BCAT1: variants seen among roughly 807,000 people sequenced by gnomAD.
BCAT1 encodes the protein branched chain amino acid transaminase 1, also known as branched-chain-amino-acid aminotransferase, cytosolic.
Under a neutral mutation model 52.4 loss-of-function variants are expected in BCAT1, and 48 were observed. That is an observed-to-expected ratio of 0.92 (90% CI 0.73 to 1.16). The LOEUF (loss-of-function observed/expected upper bound fraction) is 1.16, where lower values mean the gene tolerates loss of function less well. Among genes scored for constraint, BCAT1 ranks in the 50% most tolerant of loss-of-function variants. The pLI, the probability that BCAT1 is intolerant of heterozygous loss-of-function variation, is 0.00. For synonymous variants in BCAT1, 167 were observed against 161.3 expected (o/e 1.04, Z -0.27); for missense variants, 451 against 457.1 (o/e 0.99, Z 0.12).
intron 5 of BCAT1, among the ~76,000 whole-genome samples, chr12:24,866,310 A>AGATTTCTCGCCG (rs1942006852): frequency 2.6e-5 from 4 of 152,022 alleles, no homozygotes; most frequent in African/African-American, 9.7e-5. Context: ...ATTTCTCGCC[A>AGATTTCTCGCCG]GGCCTTAGCT....
chr12:24,868,443 T>G (rs1025969437), intron 5 of BCAT1, among the ~76,000 whole-genome samples: 2 of 152,130 alleles, frequency 1.3e-5, no homozygotes, highest in African/African-American at 4.8e-5. Context: ...TCACCACTAT[T>G]TATATTTTTT....
At chr12:24,870,767 C>A (rs574174945) in intron 5 of BCAT1, among the ~76,000 whole-genome samples, 1 of 152,280 alleles carries the variant, frequency 6.6e-6, no homozygotes, top group Admixed American at 6.5e-5. Flanking sequence ...GTGGCTCTTG[C>A]CTGCAATTCC....
intron 1 of BCAT1, among the ~76,000 whole-genome samples, chr12:24,928,712 T>G (rs1943633174): frequency 1.1e-5 from 1 of 93,294 alleles, no homozygotes; most frequent in Non-Finnish European, 2.3e-5. Context: ...TGTTTGTTGT[T>G]GTTGTTGTTG....
intron 3 of BCAT1, among the ~76,000 whole-genome samples, chr12:24,892,049 G>C (rs543593814): frequency 6.7e-6 from 1 of 150,132 alleles, no homozygotes; most frequent in Admixed American, 6.6e-5. Flanking sequence ...GAGCCACCTC[G>C]CCTGGCCGTT....
At chr12:24,888,025 A>G (rs2139628985) in intron 3 of BCAT1, among the ~76,000 whole-genome samples, 1 of 152,346 alleles carries the variant, frequency 6.6e-6, no homozygotes, top group South Asian at 2.1e-4. Flanking sequence ...AAATGAAACT[A>G]TTATTGAACT....
At chr12:24,839,150 A>T (rs957149055) in intron 7 of BCAT1, among the ~76,000 whole-genome samples, 2 of 152,222 alleles carry the variant, frequency 1.3e-5, no homozygotes, top group African/African-American at 4.8e-5. Flanking sequence ...GGGGAAACAA[A>T]GAAGGAAAAG....
At chr12:24,832,692 A>T in intron 9 of BCAT1, 31 bp downstream of exon 9, 1 of 1,571,490 alleles carries the variant, frequency 6.4e-7, no homozygotes. Flanking sequence ...GTGATTGGAA[A>T]TGATAGGAAA....
In BCAT1 at chr12:24,902,316, C is replaced by T. The variant is rs953022802; in HGVS notation, c.7-431G>A. ...CAATCACAGACGCACAATAGCAAGC[C>T]TGCAAAGGGAACGGGGACGGGCGTG... On this transcript the variant is annotated intron_variant, in intron 1 of 10. Coordinates refer to ENST00000261192, the MANE Select transcript of BCAT1 (RefSeq NM_005504.7). The T allele has an allele frequency of 2.4e-6, 3 of 1,266,368 alleles. No homozygotes were observed. In the South Asian group the frequency reaches 7.0e-5, roughly 29 times the overall value. 78.4% of individuals were successfully genotyped at this position (1,266,368 alleles called of 1,614,324 possible). A position where few individuals can be genotyped will look rare whatever the true frequency, so the allele number is the denominator to read the frequency against.
intron 10 of BCAT1, among the ~76,000 whole-genome samples, chr12:24,826,352 T>C (rs1940399033): frequency 6.6e-6 from 1 of 152,236 alleles, no homozygotes. Context: ...TTCTTCTGCA[T>C]ATAATTATCC....
At chr12:24,834,520 TAGAG>T (rs1168387995) in intron 8 of BCAT1, 1 of 975,226 alleles carries the variant, frequency 1.0e-6, no homozygotes, top group South Asian at 4.7e-5. Flanking sequence ...GCAATAAAAA[TAGAG>T]AGGTTTAAAA....
chr12:24,935,527 C>T (rs1165154645), intron 1 of BCAT1, among the ~76,000 whole-genome samples: 1 of 152,144 alleles, frequency 6.6e-6, no homozygotes, highest in Non-Finnish European at 1.5e-5. Flanking sequence ...AGGAACTCAC[C>T]CTTGGCTTCC....
intron 6 of BCAT1, among the ~76,000 whole-genome samples, chr12:24,846,022 G>C (rs1379423915): frequency 2.6e-5 from 4 of 152,116 alleles, no homozygotes; most frequent in Non-Finnish European, 5.9e-5. Flanking sequence ...ATGCCCTTTA[G>C]ACTGTATTAA....
At chr12:24,886,193 G>A (rs1199965902) in intron 3 of BCAT1, among the ~76,000 whole-genome samples, 2 of 152,202 alleles carry the variant, frequency 1.3e-5, no homozygotes, top group East Asian at 1.9e-4. Context: ...TGAAGCGAGA[G>A]GATTGCTGGA....
At position 24,913,590 on chromosome 12, in the gene BCAT1, A is replaced by G. The variant is rs550979554; in HGVS notation, c.7-11705T>C. Among the ~76,000 whole-genome samples, 4 of 152,136 alleles carry G rather than the reference A, an allele frequency of 2.6e-5. No homozygotes were observed. In the East Asian group the frequency reaches 7.7e-4, roughly 29 times the overall value. On this transcript the variant is annotated intron_variant, in intron 1 of 10. Transcript: ENST00000261192. ...CAAACCCATGAGCTGGGGATGACTC[A>G]CTCTATTCCCCAACAGACAATGCCC...
At chr12:24,948,806 G>T (rs1243189687) in intron 1 of BCAT1, 121 bp downstream of exon 1, 18 of 1,064,030 alleles carry the variant, frequency 1.7e-5, no homozygotes, top group Non-Finnish European at 2.1e-5. Flanking sequence ...GTTTGCGGGG[G>T]ATATAAGCCA....
chr12:24,900,659 G>C (rs1219352405), intron 2 of BCAT1, among the ~76,000 whole-genome samples: 1 of 152,172 alleles, frequency 6.6e-6, no homozygotes, highest in Non-Finnish European at 1.5e-5. Flanking sequence ...GAATTCTTCA[G>C]GCTAGGCTTG....
At chr12:24,893,865 G>T (rs1942898779) in intron 3 of BCAT1, among the ~76,000 whole-genome samples, 2 of 152,090 alleles carry the variant, frequency 1.3e-5, no homozygotes, top group Admixed American at 1.3e-4. Flanking sequence ...TGCATAACTA[G>T]ACATTATTAC....
At chr12:24,930,895 CCTTT>C (rs1474216333) in intron 1 of BCAT1, among the ~76,000 whole-genome samples, 3 of 126,936 alleles carry the variant, frequency 2.4e-5, no homozygotes, top group Admixed American at 9.0e-5. Flanking sequence ...GGAACAGGGC[CCTTT>C]TTTTTTTTTT....
intron 10 of BCAT1, among the ~76,000 whole-genome samples, chr12:24,826,291 T>C (rs1940396049): frequency 6.6e-6 from 1 of 152,248 alleles, no homozygotes; most frequent in Admixed American, 6.5e-5. Context: ...AAGTCATTAA[T>C]ATACTTTCAT....
Sources: allele counts gnomAD v4.1 joint callset (sites outside exome capture counted in the v4.1 genomes callset), GRCh38; gene constraint gnomAD v4.1.1; transcripts MANE v1.5; gene names NCBI Gene and HGNC (gene_info 2026-07-23, HGNC 2026-07-21).